The following CDH3 variants were observed in gnomAD, a reference collection of about 807,000 sequenced individuals.
CDH3 encodes the protein cadherin 3, also known as cadherin-3.
CDH3 carries 54 observed loss-of-function variants against 82.0 expected under a neutral mutation model. The observed-to-expected ratio is 0.66, with a 90% CI of 0.53 to 0.83. The LOEUF (loss-of-function observed/expected upper bound fraction) is 0.83, where lower values mean the gene tolerates loss of function less well. CDH3 is among the 40% of genes least tolerant of loss of function. The pLI, the probability that CDH3 is intolerant of heterozygous loss-of-function variation, is 0.00. For synonymous variants in CDH3, 446 were observed against 437.9 expected (o/e 1.02, Z -0.23); for missense variants, 1,054 against 1,084.6 (o/e 0.97, Z 0.40).
downstream of CDH3, among the ~76,000 whole-genome samples, chr16:68,732,051 G>GTTT (rs71930035): frequency 2.4e-4 from 34 of 143,816 alleles, no homozygotes; most frequent in Middle Eastern, 3.6e-3. Context: ...AAATAAAACT[G>GTTT]TTTTTTTTTT....
chr16:68,651,059 G>A, intron 2 of CDH3: 1 of 430,548 alleles, frequency 2.3e-6, no homozygotes, highest in Admixed American at 2.9e-5. Flanking sequence ...TAGTAAGGGG[G>A]ATATTCAGGG....
At chr16:68,677,562 ACT>A in intron 3 of CDH3, among the ~76,000 whole-genome samples, 1 of 152,190 alleles carries the variant, frequency 6.6e-6, no homozygotes, top group Middle Eastern at 3.4e-3. Context: ...ATATGGTGAA[ACT>A]CTGTCTCTAC....
intron 9 of CDH3, among the ~76,000 whole-genome samples, chr16:68,684,067 C>CAAAAA (rs33992366): frequency 1.7e-5 from 2 of 119,754 alleles, no homozygotes; most frequent in African/African-American, 6.5e-5. Context: ...ACTCCGTCTC[C>CAAAAA]AAAAAAAAAA....
intron 1 of CDH3, among the ~76,000 whole-genome samples, chr16:68,709,984 A>G (rs1597827640): frequency 6.6e-6 from 1 of 152,164 alleles, no homozygotes; most frequent in African/African-American, 2.4e-5. Flanking sequence ...GCGCTGGTTA[A>G]TTCCCCGTTT....
At chr16:68,682,583 AGGAATCGTACCAGCC>A in intron 9 of CDH3, 96 bp downstream of exon 9, 2 of 1,191,460 alleles carry the variant, frequency 1.7e-6, no homozygotes, top group Non-Finnish European at 2.5e-6. Flanking sequence ...GGGCTAGTCC[AGGAATCGTACCAGCC>A]CAGTGGCTCC....
downstream of CDH3, among the ~76,000 whole-genome samples, chr16:68,704,103 G>C (rs928132394): frequency 6.6e-6 from 1 of 151,830 alleles, no homozygotes; most frequent in Non-Finnish European, 1.5e-5. Flanking sequence ...TGGCTAACAC[G>C]GTGAAACCCC....
chr16:68,730,644 A>G (rs1014272968), downstream of CDH3, among the ~76,000 whole-genome samples: 1 of 152,202 alleles, frequency 6.6e-6, no homozygotes, highest in Non-Finnish European at 1.5e-5. Context: ...TACTAATGGC[A>G]TGGGATCATG....
chr16:68,720,976 T>G (rs1030235923), intron 1 of CDH3, among the ~76,000 whole-genome samples: 2 of 152,116 alleles, frequency 1.3e-5, no homozygotes, highest in African/African-American at 4.8e-5. Flanking sequence ...ATTTCATCCT[T>G]ATACCACTCC....
intron 2 of CDH3, among the ~76,000 whole-genome samples, chr16:68,726,539 G>T (rs11867071): frequency 0.063 from 9,551 of 151,894 alleles, 718 homozygotes; most frequent in African/African-American, 0.19. Flanking sequence ...AGAGGGCAGT[G>T]GCCCAGGGTT....
At chr16:68,646,502 A>ACCCCC (rs372573208) in intron 2 of CDH3, among the ~76,000 whole-genome samples, 4 of 112,822 alleles carry the variant, frequency 3.5e-5, no homozygotes, top group Admixed American at 9.1e-5. Context: ...AGTTACTCCT[A>ACCCCC]CCCCCCCCCT....
intron 2 of CDH3, among the ~76,000 whole-genome samples, chr16:68,726,425 A>G (rs576086739): frequency 6.6e-6 from 1 of 152,178 alleles, no homozygotes; most frequent in African/African-American, 2.4e-5. Context: ...GCAAAAGACT[A>G]TTTCTTGCTA....
At chr16:68,654,615 ATC>A (rs1171338080) in intron 2 of CDH3, among the ~76,000 whole-genome samples, 1 of 144,674 alleles carries the variant, frequency 6.9e-6, no homozygotes, top group Non-Finnish European at 1.5e-5. Context: ...AGGCAGGAGA[ATC>A]TCTTAAATCT....
chr16:68,703,985 C>T (rs1055805805), downstream of CDH3, among the ~76,000 whole-genome samples: 15 of 149,014 alleles, frequency 1.0e-4, no homozygotes, highest in Admixed American at 6.7e-4. Flanking sequence ...ATAAAATGGG[C>T]GAGTAAAAGA....
In CDH3 at chr16:68,645,386, C is replaced by G; in HGVS notation, c.7C>G (p.Leu3Val). The change falls in exon 1 of 16, where the codon CTC becomes GTC. Residue 3 changes from leucine (L) to valine (V), a missense_variant. Leu to Val is a conservative substitution (Grantham distance 32). Transcript: ENST00000264012. ...CACCCCTCTCTCTGCAGCCATGGGG[C>G]TCCCTCGTGGACCTCTCGCGTCTCT... MG[L>V]PRGPLASLLL... The G allele has an allele frequency of 4.3e-6, 7 of 1,613,414 alleles. No homozygotes were observed. Among genetic ancestry groups the G allele is most frequent in the Non-Finnish European group, 5.1e-6 (6 of 1,179,736 alleles).
At chr16:68,686,183 G>A (rs999691848) in intron 11 of CDH3, among the ~76,000 whole-genome samples, 2 of 152,212 alleles carry the variant, frequency 1.3e-5, no homozygotes, top group Admixed American at 6.5e-5. Context: ...TGAGTGTGCC[G>A]CCTCCCAGTT....
downstream of CDH3, among the ~76,000 whole-genome samples, chr16:68,728,887 A>G (rs1425973258): frequency 2.6e-5 from 4 of 152,208 alleles, no homozygotes; most frequent in Non-Finnish European, 4.4e-5. Flanking sequence ...CAACACTTAT[A>G]AAATATTTTT....
chr16:68,724,124 A>G (rs1486159180), intron 2 of CDH3, among the ~76,000 whole-genome samples: 1 of 151,068 alleles, frequency 6.6e-6, no homozygotes, highest in Non-Finnish European at 1.5e-5. Context: ...AATCCCAGCT[A>G]CTTGGGAGGC....
intron 2 of CDH3, chr16:68,651,263 C>T (rs2152089727): frequency 1.8e-6 from 1 of 541,630 alleles, no homozygotes; most frequent in East Asian, 5.0e-5. Context: ...AGCTTGGTGT[C>T]ATAGATGTGC....
rs114620893 is a variant in CDH3, at chr16:68,666,627, C to T, written c.161-9758C>T. Among the ~76,000 whole-genome samples, 807 of 152,278 alleles carry T rather than the reference C, an allele frequency of 5.3e-3. 8 individuals are homozygous for T. Among genetic ancestry groups the T allele is most frequent in the African/African-American group, 0.019 (770 of 41,550 alleles). Reference sequence around the variant, plus strand: ...CTTGTGCGTGGAAAATACTTGGTGACGGAGAGAGGCAGACCACAGCCTTGG... The same window carrying T: ...CTTGTGCGTGGAAAATACTTGGTGATGGAGAGAGGCAGACCACAGCCTTGG... On this transcript the variant is annotated intron_variant, in intron 2 of 15. Transcript: ENST00000264012.
Sources: gnomAD v4.1 joint callset for allele counts (sites outside exome capture counted in the v4.1 genomes callset) on GRCh38, gnomAD v4.1.1 for gene constraint, MANE v1.5 for transcripts, NCBI Gene and HGNC (gene_info 2026-07-23, HGNC 2026-07-21) for gene names.